WWP1: variants seen among roughly 807,000 people sequenced by gnomAD.
The protein encoded by WWP1 is NEDD4-like E3 ubiquitin-protein ligase WWP1.
WWP1 carries 49 observed loss-of-function variants against 130.6 expected under a neutral mutation model. The observed-to-expected ratio is 0.38, with a 90% CI of 0.30 to 0.48. The LOEUF (loss-of-function observed/expected upper bound fraction) is 0.48, where lower values mean the gene tolerates loss of function less well. WWP1 is among the 20% of genes least tolerant of loss of function. WWP1 has a pLI of 0.99. For synonymous variants in WWP1, 332 were observed against 367.8 expected, an observed-to-expected ratio of 0.90 and a Z score of 1.11; for missense variants, 809 against 1,100.6, an observed-to-expected ratio of 0.74 and a Z score of 3.75.
intron 9 of WWP1, among the ~76,000 whole-genome samples, chr8:86,423,877 G>A (rs1184910088): frequency 8.3e-5 from 12 of 143,868 alleles, no homozygotes; most frequent in African/African-American, 2.8e-4. Context: ...CCTCCCGGAC[G>A]GGGCGGCTGG....
At position 86,447,074 on chromosome 8, in the gene WWP1, G is replaced by A. The variant is rs192086728; in HGVS notation, c.1999-1074G>A. On this transcript the variant is annotated intron_variant, in intron 18 of 24. Transcript: ENST00000517970. ...AAAGTGGGAGAGTGAATGCAGTAGG[G>A]AAATGTGATTACCAGGAAACAGACC... 2.0e-5 allele frequency among the ~76,000 whole-genome samples: 3 copies of A among 152,238 alleles called. No individual in the cohort carries two copies. In the East Asian group the frequency reaches 5.8e-4, roughly 29 times the overall value.
intron 18 of WWP1, among the ~76,000 whole-genome samples, chr8:86,443,380 T>G (rs779041282): frequency 3.3e-5 from 5 of 152,194 alleles, no homozygotes; most frequent in Non-Finnish European, 7.3e-5. Context: ...AGCCTACTTT[T>G]CAATAAAAGG....
chr8:86,389,137 T>C (rs1825460163), intron 5 of WWP1, among the ~76,000 whole-genome samples: 1 of 152,076 alleles, frequency 6.6e-6, no homozygotes, highest in Admixed American at 6.5e-5. Flanking sequence ...ATACAAAACA[T>C]ATAAAGAATA....
chr8:86,381,225 G>C (rs1586307694), intron 4 of WWP1, among the ~76,000 whole-genome samples: 2 of 152,244 alleles, frequency 1.3e-5, no homozygotes, highest in African/African-American at 4.8e-5. Context: ...AATACAAACA[G>C]TGTTACTATG....
intron 5 of WWP1, among the ~76,000 whole-genome samples, chr8:86,396,262 C>T (rs1435873694): frequency 3.3e-5 from 5 of 152,054 alleles, no homozygotes; most frequent in African/African-American, 1.2e-4. Flanking sequence ...CCATGCCCAG[C>T]TAATTTTTTT....
intron 8 of WWP1, among the ~76,000 whole-genome samples, chr8:86,408,447 G>C (rs1220042728): frequency 6.6e-6 from 1 of 152,158 alleles, no homozygotes; most frequent in Non-Finnish European, 1.5e-5. Flanking sequence ...CAAAGTGGCT[G>C]TACTCCTGCA....
At chr8:86,424,093 C>A (rs866069326) in intron 9 of WWP1, among the ~76,000 whole-genome samples, 1 of 145,284 alleles carries the variant, frequency 6.9e-6, no homozygotes, top group East Asian at 2.2e-4. Context: ...TCAGATGGGG[C>A]GGCTGCCAGG....
At chr8:86,422,319 G>GTATT (rs55854341) in intron 9 of WWP1, among the ~76,000 whole-genome samples, 9,346 of 147,922 alleles carry the variant, frequency 0.063, 385 homozygotes, top group African/African-American at 0.096. Flanking sequence ...GTACCAGTTT[G>GTATT]TATTTATTTA....
chr8:86,425,862 T>C (rs1480889589), intron 10 of WWP1, among the ~76,000 whole-genome samples: 1 of 152,212 alleles, frequency 6.6e-6, no homozygotes, highest in African/African-American at 2.4e-5. Context: ...CGAGTCTTCC[T>C]TTACCTTTGT....
chr8:86,346,045 C>G (rs1238750855), intron 1 of WWP1, among the ~76,000 whole-genome samples: 1 of 152,080 alleles, frequency 6.6e-6, no homozygotes, highest in Non-Finnish European at 1.5e-5. Context: ...ATGACCTTGT[C>G]AGTAAGACTA....
chr8:86,400,157 C>T (rs1357634786), intron 7 of WWP1, among the ~76,000 whole-genome samples: 7 of 151,750 alleles, frequency 4.6e-5, no homozygotes, highest in South Asian at 2.1e-4. Flanking sequence ...GGTGAAACCC[C>T]GTCTCTACTA....
Position 86,468,128 on chromosome 8 carries a change from AT to A in WWP1, c.*1238del, listed in dbSNP as rs1812271756. Reference sequence around the variant, plus strand: ...TGGGCTTCCTAATACAAAATTTTAAATTTCCATTTGTATCATGCTTTTAATA... The same window carrying A: ...TGGGCTTCCTAATACAAAATTTTAAATTCCATTTGTATCATGCTTTTAATA... On this transcript the variant is annotated 3_prime_UTR_variant, in exon 25 of 25. Transcript: ENST00000517970. The A allele has an allele frequency of 1.7e-5, 3 of 178,198 alleles. No individual in the cohort carries two copies. In the South Asian group the frequency reaches 3.4e-4, roughly 20 times the overall value. The allele number at this position is 178,198 out of a possible 1,614,324, so 11.0% of individuals were successfully genotyped here.
chr8:86,405,486 A>G (rs1166395653), intron 8 of WWP1, among the ~76,000 whole-genome samples: 2 of 151,832 alleles, frequency 1.3e-5, no homozygotes, highest in Non-Finnish European at 2.9e-5. Flanking sequence ...TGGCCCCTAA[A>G]CCTCCTCCAG....
chr8:86,413,767 T>A (rs1275908514), intron 9 of WWP1, among the ~76,000 whole-genome samples: 1 of 152,174 alleles, frequency 6.6e-6, no homozygotes, highest in African/African-American at 2.4e-5. Flanking sequence ...CTGTGAAGAA[T>A]TTTGTGTGAT....
At chr8:86,424,884 TTTCTTAA>T (rs1809528391) in intron 9 of WWP1, among the ~76,000 whole-genome samples, 1 of 136,280 alleles carries the variant, frequency 7.3e-6, no homozygotes, top group Non-Finnish European at 1.6e-5. Flanking sequence ...GAGGGAGAGG[TTTCTTAA>T]TTCTTGATTC....
chr8:86,408,998 G>T (rs1808431337), intron 8 of WWP1, among the ~76,000 whole-genome samples: 1 of 151,870 alleles, frequency 6.6e-6, no homozygotes, highest in Non-Finnish European at 1.5e-5. Flanking sequence ...AAATGTTTTA[G>T]CTCCAATTAA....
intron 1 of WWP1, among the ~76,000 whole-genome samples, chr8:86,362,199 T>TATATATATATATAC (rs1409280271): frequency 8.3e-6 from 1 of 121,030 alleles, no homozygotes; most frequent in African/African-American, 3.0e-5. Context: ...TATATATATA[T>TATATATATATATAC]ATACTGGAAA....
At chr8:86,354,654 A>G (rs879752189) in intron 1 of WWP1, among the ~76,000 whole-genome samples, 3 of 152,182 alleles carry the variant, frequency 2.0e-5, no homozygotes, top group Non-Finnish European at 2.9e-5. Context: ...GAAATTTTGT[A>G]TTTATAACAA....
At chr8:86,373,067 GTTTGT>G (rs1374500198) in intron 2 of WWP1, among the ~76,000 whole-genome samples, 43 of 78,446 alleles carry the variant, frequency 5.5e-4, no homozygotes, top group African/African-American at 2.1e-3. Flanking sequence ...TCAGTTCTTA[GTTTGT>G]TTTTTTTTTT....
Sources: allele counts gnomAD v4.1 joint callset (sites outside exome capture counted in the v4.1 genomes callset), GRCh38; gene constraint gnomAD v4.1.1; transcripts MANE v1.5; gene names NCBI Gene and HGNC (gene_info 2026-07-23, HGNC 2026-07-21).